The following HMG20A variants were observed in gnomAD, a reference collection of about 807,000 sequenced individuals.
HMG20A encodes high mobility group protein 20A.
Under a neutral mutation model 43.9 loss-of-function variants are expected in HMG20A, and 17 were observed. That is an observed-to-expected ratio of 0.39 (90% CI 0.27 to 0.58). HMG20A has a LOEUF of 0.58. Among genes scored for constraint, HMG20A ranks in the 20% least tolerant of loss-of-function variants. HMG20A has a pLI of 0.59. For missense variants in HMG20A, 341 were observed against 438.2 expected (o/e 0.78, Z 1.98); for synonymous variants, 132 against 147.5 (o/e 0.89, Z 0.76).
In HMG20A at chr15:77,454,264, C is replaced by A. The variant is rs146769604; in HGVS notation, c.-4-4140C>A. On this transcript the variant is annotated intron_variant, in intron 1 of 9. Transcript: ENST00000336216. ...TTGTTTGCTAAAGGATATTGTGTTTCTTTTTGGGGTGATGAAAATGTTCTA... is the reference window on the plus strand; with the variant it reads ...TTGTTTGCTAAAGGATATTGTGTTTATTTTTGGGGTGATGAAAATGTTCTA... 1.3e-3 allele frequency among the ~76,000 whole-genome samples: 202 copies of A among 151,470 alleles called. 2 individuals are homozygous for A. Among genetic ancestry groups the A allele is most frequent in the African/African-American group, 4.7e-3 (193 of 41,220 alleles).
chr15:77,468,146 G>A (rs1238902840), intron 4 of HMG20A, among the ~76,000 whole-genome samples: 1 of 152,180 alleles, frequency 6.6e-6, no homozygotes, highest in Non-Finnish European at 1.5e-5. Flanking sequence ...TGTGTTTGTG[G>A]TAGCAAGCTA....
chr15:77,467,397 A>G, intron 4 of HMG20A, 90 bp downstream of exon 4: 1 of 1,121,986 alleles, frequency 8.9e-7, no homozygotes, highest in South Asian at 1.4e-5. Flanking sequence ...TGGACAGTTG[A>G]TTCTGCAGTT....
At chr15:77,469,811 G>A (rs1293577262) in intron 4 of HMG20A, among the ~76,000 whole-genome samples, 1 of 152,108 alleles carries the variant, frequency 6.6e-6, no homozygotes, top group Non-Finnish European at 1.5e-5. Context: ...GGGACTACAG[G>A]CGTGCACCAT....
downstream of HMG20A, among the ~76,000 whole-genome samples, chr15:77,486,989 A>T (rs549052346): frequency 3.9e-5 from 6 of 152,210 alleles, no homozygotes; most frequent in Non-Finnish European, 5.9e-5. Flanking sequence ...AAAGGCTAGT[A>T]TGGAGGCTCC....
chr15:77,458,325 AG>A (rs2072674908), intron 1 of HMG20A, 78 bp from the exon 2 acceptor site: 1 of 883,096 alleles, frequency 1.1e-6, no homozygotes, highest in African/African-American at 1.7e-5. Flanking sequence ...AAGTTCAAGA[AG>A]GCTGGCTCTT....
the HMG20A span, among the ~76,000 whole-genome samples, chr15:77,515,320 T>C: frequency 1.3e-5 from 2 of 152,186 alleles, no homozygotes; most frequent in Admixed American, 1.3e-4. Flanking sequence ...CCAGCAGTAC[T>C]GGCCTTCCAA....
At chr15:77,495,000 G>A in the HMG20A span, among the ~76,000 whole-genome samples, 258 of 152,258 alleles carry the variant, frequency 1.7e-3, no homozygotes, top group African/African-American at 6.0e-3. Flanking sequence ...CAAGTGCTAC[G>A]GTTGAAAGTG....
At chr15:77,428,345 G>A (rs2073447375) in intron 1 of HMG20A, among the ~76,000 whole-genome samples, 1 of 152,188 alleles carries the variant, frequency 6.6e-6, no homozygotes. Flanking sequence ...TGTAGAAAGA[G>A]CAGGCAAATG....
the HMG20A span, among the ~76,000 whole-genome samples, chr15:77,512,253 T>TG: frequency 7.3e-5 from 11 of 150,706 alleles, no homozygotes; most frequent in African/African-American, 2.7e-4. Context: ...TGCCAGGGGG[T>TG]GGGGGGAGGA....
At chr15:77,455,304 AGAT>A (rs1178126342) in intron 1 of HMG20A, among the ~76,000 whole-genome samples, 10 of 147,870 alleles carry the variant, frequency 6.8e-5, no homozygotes, top group African/African-American at 2.5e-4. Context: ...CTGGCCTACT[AGAT>A]GACTACAGAG....
the HMG20A span, among the ~76,000 whole-genome samples, chr15:77,491,063 G>A: frequency 1.3e-5 from 2 of 152,204 alleles, no homozygotes; most frequent in Non-Finnish European, 2.9e-5. Context: ...ACTTGCATCT[G>A]CATTTGTTTA....
the HMG20A span, among the ~76,000 whole-genome samples, chr15:77,495,069 C>T: frequency 6.6e-6 from 1 of 152,186 alleles, no homozygotes; most frequent in African/African-American, 2.4e-5. Context: ...CAAAATGAGG[C>T]CCCAATCCAG....
chr15:77,437,662 C>T (rs1246584872), intron 1 of HMG20A, among the ~76,000 whole-genome samples: 1 of 151,726 alleles, frequency 6.6e-6, no homozygotes, highest in African/African-American at 2.4e-5. Flanking sequence ...ACCTCTGCCT[C>T]CTGGGTTCAA....
chr15:77,501,320 T>G, the HMG20A span, among the ~76,000 whole-genome samples: 2 of 152,204 alleles, frequency 1.3e-5, no homozygotes, highest in Non-Finnish European at 2.9e-5. Context: ...TTGAAGTTGC[T>G]CCTGGCAACT....
the HMG20A span, among the ~76,000 whole-genome samples, chr15:77,508,973 C>T: frequency 1.3e-5 from 2 of 152,294 alleles, no homozygotes; most frequent in Admixed American, 6.5e-5. Flanking sequence ...CCTCTTTGGC[C>T]CCTTTGTTAA....
At chr15:77,499,531 C>T in the HMG20A span, among the ~76,000 whole-genome samples, 3 of 152,044 alleles carry the variant, frequency 2.0e-5, no homozygotes, top group African/African-American at 7.3e-5. Flanking sequence ...GAATGCTCCC[C>T]CCCACACACA....
At chr15:77,478,240 C>A in intron 7 of HMG20A, 55 bp from the exon 8 acceptor site, 1 of 1,564,086 alleles carries the variant, frequency 6.4e-7, no homozygotes, top group Non-Finnish European at 8.8e-7. Flanking sequence ...GTCATTGGGA[C>A]TCCTCAGAGA....
At chr15:77,507,677 A>C in the HMG20A span, among the ~76,000 whole-genome samples, 1 of 152,320 alleles carries the variant, frequency 6.6e-6, no homozygotes, top group East Asian at 1.9e-4. Context: ...GCAAGCGGGC[A>C]GGGGCAGTTT....
intron 2 of HMG20A, among the ~76,000 whole-genome samples, chr15:77,463,021 C>T (rs1447766617): frequency 6.6e-6 from 1 of 152,144 alleles, no homozygotes; most frequent in Non-Finnish European, 1.5e-5. Flanking sequence ...ATCCACCTGC[C>T]TTGGCCTCCC....
Sources: gnomAD v4.1 joint callset for allele counts (sites outside exome capture counted in the v4.1 genomes callset) on GRCh38, gnomAD v4.1.1 for gene constraint, MANE v1.5 for transcripts, NCBI Gene and HGNC (gene_info 2026-07-23, HGNC 2026-07-21) for gene names.